Variants in RYR3 observed in about 807,000 individuals in gnomAD.
RYR3 encodes the protein ryanodine receptor 3.
RYR3 carries 207 observed loss-of-function variants against 584.3 expected under a neutral mutation model. The observed-to-expected ratio is 0.35, with a 90% CI of 0.32 to 0.40. The LOEUF is 0.40. Among genes scored for constraint, RYR3 ranks in the 10% least tolerant of loss-of-function variants. The pLI is 1.00. For missense variants in RYR3, 5,616 were observed against 6,089.2 expected (o/e 0.92, Z 2.59); for synonymous variants, 2,416 against 2,248.5 (o/e 1.07, Z -2.11).
At chr15:33,744,020 C>T (rs1177674716) in intron 52 of RYR3, among the ~76,000 whole-genome samples, 1 of 152,176 alleles carries the variant, frequency 6.6e-6, no homozygotes, top group Non-Finnish European at 1.5e-5. Context: ...TCCTCCTTTG[C>T]CCTCTGCCCT....
intron 27 of RYR3, among the ~76,000 whole-genome samples, chr15:33,639,123 G>C (rs1458058960): frequency 6.6e-6 from 1 of 152,078 alleles, no homozygotes; most frequent in Non-Finnish European, 1.5e-5. Context: ...TAGAGGGGAG[G>C]GACATTTGAG....
chr15:33,501,173 T>C (rs569817560), intron 2 of RYR3, among the ~76,000 whole-genome samples: 3 of 152,226 alleles, frequency 2.0e-5, no homozygotes, highest in African/African-American at 7.2e-5. Flanking sequence ...AGTAATGAAA[T>C]TGTGAGCACC....
At chr15:33,659,573 G>A (rs866795345) in intron 32 of RYR3, 147 bp from the exon 33 acceptor site, 4 of 640,790 alleles carry the variant, frequency 6.2e-6, no homozygotes, top group South Asian at 5.6e-5. Flanking sequence ...ATAGATAACT[G>A]GTCTCTGCGA....
At chr15:33,562,764 G>A in intron 10 of RYR3, 73 bp from the exon 11 acceptor site, 1 of 1,118,628 alleles carries the variant, frequency 8.9e-7, no homozygotes, top group South Asian at 1.4e-5. Flanking sequence ...CTTCATAGGT[G>A]ATTCGTTTTG....
intron 46 of RYR3, 69 bp from the exon 47 acceptor site, chr15:33,728,788 A>C (rs2068682465): frequency 6.9e-7 from 1 of 1,439,152 alleles, no homozygotes; most frequent in Non-Finnish European, 9.4e-7. Context: ...TAGACAGACA[A>C]GCTCTGTGTT....
intron 5 of RYR3, among the ~76,000 whole-genome samples, chr15:33,533,952 G>A (rs1435107): frequency 0.37 from 55,777 of 151,928 alleles, 10,582 homozygotes; most frequent in Admixed American, 0.48. Flanking sequence ...ACTTATTGCC[G>A]TAAGTATAAA....
chr15:33,417,662 G>T (rs997474843), intron 1 of RYR3, among the ~76,000 whole-genome samples: 1 of 151,988 alleles, frequency 6.6e-6, no homozygotes, highest in South Asian at 2.1e-4. Flanking sequence ...TTTTCTATTC[G>T]TATGCCTTTT....
intron 1 of RYR3, among the ~76,000 whole-genome samples, chr15:33,349,571 A>G (rs1338189840): frequency 1.4e-5 from 2 of 145,306 alleles, no homozygotes; most frequent in Non-Finnish European, 3.0e-5. Flanking sequence ...CCATTTGTGT[A>G]CCTTCTTTTT....
At chr15:33,726,263 T>A in intron 45 of RYR3, 123 bp from the exon 46 acceptor site, 1 of 1,035,346 alleles carries the variant, frequency 9.7e-7, no homozygotes, top group Non-Finnish European at 1.4e-6. Flanking sequence ...TCTGTAGCAA[T>A]TAGGGAAACA....
In RYR3 at chr15:33,539,454, A is replaced by G. The variant is rs1421465647; in HGVS notation, c.538A>G (p.Arg180Gly). ...CATCCTCGTCAGCGTGTCCTCTGAA[A>G]GATACCTTGTAAGTACCTCATAATA... Reference protein sequence around the residue: ...DLILVSVSSERYLHLSVSNGN... With the variant: ...DLILVSVSSEGYLHLSVSNGN... The change falls in exon 6 of 104, where the codon AGA becomes GGA. Residue 180 changes from arginine (R) to glycine (G), a missense_variant. Arg to Gly is a moderately radical substitution (Grantham distance 125). Transcript: ENST00000634891. 1 of 1,585,210 alleles carries G rather than the reference A, an allele frequency of 6.3e-7. No homozygotes were observed. Among genetic ancestry groups the G allele is most frequent in the Non-Finnish European group, 8.6e-7 (1 of 1,161,598 alleles).
rs114766012 is a variant in RYR3, at chr15:33,487,245, C to G, written c.171+13707C>G. On this transcript the variant is annotated intron_variant, in intron 2 of 103. Transcript: ENST00000634891. ...GGTGGATGATTGAGCATATTGATCCCGGAGTAGGCATTCCAGCAGGGTTGG... is the reference window on the plus strand; with the variant it reads ...GGTGGATGATTGAGCATATTGATCCGGGAGTAGGCATTCCAGCAGGGTTGG... Among the ~76,000 whole-genome samples, 768 of 151,254 alleles carry G rather than the reference C, an allele frequency of 5.1e-3. 9 individuals carry two copies. Among genetic ancestry groups the G allele is most frequent in the African/African-American group, 0.018 (731 of 41,020 alleles).
intron 55 of RYR3, among the ~76,000 whole-genome samples, chr15:33,748,824 G>A (rs1310781541): frequency 2.0e-5 from 3 of 151,968 alleles, no homozygotes; most frequent in African/African-American, 4.8e-5. Flanking sequence ...CTTTACCCTA[G>A]GACTTCCCAC....
chr15:33,508,566 T>C (rs997862482), intron 3 of RYR3, among the ~76,000 whole-genome samples: 2 of 152,038 alleles, frequency 1.3e-5, no homozygotes, highest in South Asian at 2.1e-4. Context: ...AGGAGAATGG[T>C]GTGAACCTGG....
Position 33,513,308 on chromosome 15 carries a change from A to G in RYR3, c.279+9570A>G, listed in dbSNP as rs144516319. Among the ~76,000 whole-genome samples the G allele has an allele frequency of 9.1e-3, 1,392 of 152,324 alleles. 6 individuals are homozygous for G. Among genetic ancestry groups the G allele is most frequent in the Non-Finnish European group, 0.015 (1,042 of 68,022 alleles). On this transcript the variant is annotated intron_variant, in intron 3 of 103. Coordinates refer to ENST00000634891, the MANE Select transcript of RYR3 (RefSeq NM_001036.6). Reference sequence around the variant, plus strand: ...AGAGCACCGATCTGGATATTCTGGTAAAGAAAAGTTAACTTGGTGCTAGAG... The same window carrying G: ...AGAGCACCGATCTGGATATTCTGGTGAAGAAAAGTTAACTTGGTGCTAGAG...
intron 1 of RYR3, among the ~76,000 whole-genome samples, chr15:33,341,335 G>A (rs565071031): frequency 1.3e-5 from 2 of 151,994 alleles, no homozygotes; most frequent in Non-Finnish European, 2.9e-5. Context: ...CACTGCGCCC[G>A]GTCTGATTCA....
At chr15:33,527,996 A>G (rs1400003567) in intron 3 of RYR3, among the ~76,000 whole-genome samples, 1 of 152,194 alleles carries the variant, frequency 6.6e-6, no homozygotes, top group Non-Finnish European at 1.5e-5. Flanking sequence ...TATGAGAAGA[A>G]GAAAGGAGTG....
chr15:33,523,861 G>T (rs2054195356), intron 3 of RYR3, among the ~76,000 whole-genome samples: 1 of 152,094 alleles, frequency 6.6e-6, no homozygotes. Flanking sequence ...AAGGGAGTCA[G>T]GTATCGTCAA....
At chr15:33,351,338 G>T (rs951241280) in intron 1 of RYR3, among the ~76,000 whole-genome samples, 8 of 152,152 alleles carry the variant, frequency 5.3e-5, no homozygotes, top group Admixed American at 1.3e-4. Flanking sequence ...GATACAAGGA[G>T]GAACTGGTAC....
At chr15:33,405,552 A>C (rs2042964919) in intron 1 of RYR3, among the ~76,000 whole-genome samples, 1 of 152,228 alleles carries the variant, frequency 6.6e-6, no homozygotes, top group African/African-American at 2.4e-5. Context: ...TATCGTGTTC[A>C]ATAAATACTT....
Sources: gnomAD v4.1 joint callset for allele counts (sites outside exome capture counted in the v4.1 genomes callset) on GRCh38, gnomAD v4.1.1 for gene constraint, MANE v1.5 for transcripts, NCBI Gene and HGNC (gene_info 2026-07-23, HGNC 2026-07-21) for gene names.